TRIM5: variants seen among roughly 807,000 people sequenced by gnomAD.
TRIM5 encodes the protein tripartite motif containing 5, also known as tripartite motif-containing protein 5.
A neutral mutation model predicts 35.6 loss-of-function variants in TRIM5; 31 were observed. That is an observed-to-expected ratio of 0.87 (90% CI 0.65 to 1.18). TRIM5 has a LOEUF of 1.18. TRIM5 is among the 50% of genes most tolerant of loss of function. The pLI, the probability that TRIM5 is intolerant of heterozygous loss-of-function variation, is 0.00. For synonymous variants in TRIM5, 243 were observed against 215.6 expected (o/e 1.13, Z -1.11); for missense variants, 609 against 591.6 (o/e 1.03, Z -0.31).
At chr11:5,644,326 A>C in the TRIM5 span, 1 of 398,592 alleles carries the variant, frequency 2.5e-6, no homozygotes, top group Non-Finnish European at 4.4e-6. Context: ...TGTAAAACTA[A>C]GTGTCTCTAA....
the TRIM5 span, among the ~76,000 whole-genome samples, chr11:5,640,896 TTGTC>T: frequency 6.6e-6 from 1 of 151,714 alleles, no homozygotes; most frequent in Non-Finnish European, 1.5e-5. Context: ...TTCTAGGAAT[TTGTC>T]TGTTTCATTA....
the TRIM5 span, chr11:5,641,341 A>G: frequency 6.6e-7 from 1 of 1,505,272 alleles, no homozygotes; most frequent in South Asian, 1.3e-5. Context: ...CCCGATGAGT[A>G]TTTGAGTGTT....
At chr11:5,663,073 C>T (rs748863549), downstream of TRIM5, 13 of 273,062 alleles carry the variant, frequency 4.8e-5, no homozygotes, top group Non-Finnish European at 6.7e-5. Flanking sequence ...TGCAGTGAGC[C>T]GAGATCGTGC....
At chr11:5,670,278 T>G (rs371518841) in intron 4 of TRIM5, among the ~76,000 whole-genome samples, 1 of 146,706 alleles carries the variant, frequency 6.8e-6, no homozygotes, top group Non-Finnish European at 1.5e-5. Context: ...CCTGGGTTCA[T>G]GCCATTCTCC....
At chr11:5,603,949 T>C in the TRIM5 span, among the ~76,000 whole-genome samples, 1 of 151,918 alleles carries the variant, frequency 6.6e-6, no homozygotes, top group African/African-American at 2.4e-5. Flanking sequence ...GGTACTTGGT[T>C]GATTGAGTGT....
the TRIM5 span, chr11:5,655,812 G>A: frequency 2.3e-6 from 1 of 441,772 alleles, no homozygotes; most frequent in African/African-American, 2.1e-5. Flanking sequence ...AACTTCCATT[G>A]GTCTATAAAT....
the TRIM5 span, chr11:5,608,263 G>C: frequency 1.9e-5 from 29 of 1,512,004 alleles, no homozygotes; most frequent in South Asian, 3.6e-4. Context: ...CTCCACATTA[G>C]GATTATCTTT....
the TRIM5 span, chr11:5,596,972 G>T: frequency 1.9e-6 from 3 of 1,613,364 alleles, no homozygotes; most frequent in East Asian, 6.7e-5. Context: ...AGGTGACAGG[G>T]CAGTGAAAGA....
the TRIM5 span, chr11:5,595,120 G>C: frequency 6.6e-6 from 1 of 152,162 alleles, no homozygotes; most frequent in African/African-American, 2.4e-5. Flanking sequence ...ACTTAACCCA[G>C]CTCTCTCCCT....
chr11:5,630,085 T>G, the TRIM5 span, among the ~76,000 whole-genome samples: 17 of 152,132 alleles, frequency 1.1e-4, no homozygotes, highest in Admixed American at 1.1e-3. Flanking sequence ...AGGTAAATCT[T>G]ACATCAACGG....
At chr11:5,604,568 A>G in the TRIM5 span, 1 of 1,613,344 alleles carries the variant, frequency 6.2e-7, no homozygotes. Context: ...AAGCTGAAGA[A>G]CGAGGAGCAG....
At chr11:5,623,272 A>G in the TRIM5 span, among the ~76,000 whole-genome samples, 1 of 152,004 alleles carries the variant, frequency 6.6e-6, no homozygotes, top group Admixed American at 6.5e-5. Flanking sequence ...TTAGTTACCA[A>G]TATTGAAATA....
chr11:5,609,962 G>A, the TRIM5 span, among the ~76,000 whole-genome samples: 1 of 152,216 alleles, frequency 6.6e-6, no homozygotes, highest in East Asian at 1.9e-4. Flanking sequence ...TATGTAGATG[G>A]TGAGATGATA....
At chr11:5,620,744 T>C in the TRIM5 span, among the ~76,000 whole-genome samples, 2 of 152,174 alleles carry the variant, frequency 1.3e-5, no homozygotes, top group Non-Finnish European at 2.9e-5. Context: ...TTGTCAGTGT[T>C]CTCTTCCTCC....
intron 3 of TRIM5, 36 bp downstream of exon 3, chr11:5,679,038 T>C: frequency 6.3e-7 from 1 of 1,579,740 alleles, no homozygotes; most frequent in Non-Finnish European, 8.7e-7. Context: ...CTGCCCAGAT[T>C]TCTAGCTAAC....
At chr11:5,611,360 C>A in the TRIM5 span, 2 of 1,589,442 alleles carry the variant, frequency 1.3e-6, no homozygotes, top group South Asian at 1.1e-5. Flanking sequence ...TCTGTTCCCA[C>A]CCACTTCTGA....
the TRIM5 span, among the ~76,000 whole-genome samples, chr11:5,607,737 T>C: frequency 6.6e-6 from 1 of 152,182 alleles, no homozygotes; most frequent in Non-Finnish European, 1.5e-5. Flanking sequence ...GTTGCTAGTG[T>C]GATTCAGTAG....
the TRIM5 span, among the ~76,000 whole-genome samples, chr11:5,627,038 T>C: frequency 1.3e-5 from 2 of 152,154 alleles, no homozygotes; most frequent in South Asian, 2.1e-4. Context: ...TTTAAGGTGA[T>C]CACTCTGTCT....
In TRIM5 at chr11:5,663,315, TGATA is replaced by T. The variant is rs1378093912; in HGVS notation, c.*1490_*1493del. On this transcript the variant is annotated 3_prime_UTR_variant, in exon 8 of 8. Coordinates refer to ENST00000380034, the MANE Select transcript of TRIM5 (RefSeq NM_033034.3). ...TGATTCCCACATAATTCAGTTTGTT[TGATA>T]AAGACTAATATGTAGCAACACTAGA... The T allele has an allele frequency of 1.3e-5, 12 of 941,884 alleles. No individual in the cohort carries two copies. In the African/African-American group the frequency reaches 2.1e-4, roughly 17 times the overall value. 58.3% of individuals were successfully genotyped at this position (941,884 alleles called of 1,614,324 possible). A position where few individuals can be genotyped will look rare whatever the true frequency, so the allele number is the denominator to read the frequency against.
Sources: allele counts gnomAD v4.1 joint callset (sites outside exome capture counted in the v4.1 genomes callset), GRCh38; gene constraint gnomAD v4.1.1; transcripts MANE v1.5; gene names NCBI Gene and HGNC (gene_info 2026-07-23, HGNC 2026-07-21).